Variants in CALCRL observed in about 807,000 individuals in gnomAD.
CALCRL encodes the protein calcitonin gene-related peptide type 1 receptor.
In CALCRL, 27 loss-of-function variants were observed where a neutral mutation model predicts 60.4. That is an observed-to-expected ratio of 0.45 (90% CI 0.33 to 0.62). The LOEUF (loss-of-function observed/expected upper bound fraction) is 0.62. Among genes scored for constraint, CALCRL ranks in the 20% least tolerant of loss-of-function variants. The pLI is 0.03. For synonymous variants in CALCRL, 190 were observed against 182.6 expected (o/e 1.04, Z -0.33); for missense variants, 424 against 540.7 (o/e 0.78, Z 2.14).
rs59586461 is a variant in CALCRL at position 187,366,249 on chromosome 2, C to CAAAAAAAAAAAAAAAAAAAAA, written c.501-2748_501-2747insTTTTTTTTTTTTTTTTTTTTT. The stretch of plus-strand genomic sequence containing the variant: ...TGGGCGACAGAGCGAGACTCCGTCT[C>CAAAAAAAAAAAAAAAAAAAAA]AAAAAAAAAAAAAAAAAAAAGAGGA... On this transcript the variant is annotated intron_variant, in intron 8 of 14. Coordinates refer to ENST00000392370, the MANE Select transcript of CALCRL (RefSeq NM_005795.6). Among the ~76,000 whole-genome samples, 7 of 94,614 alleles carry CAAAAAAAAAAAAAAAAAAAAA rather than the reference C, an allele frequency of 7.4e-5. 1 individual carries two copies. The highest frequency in any genetic ancestry group is 2.7e-4 in the African/African-American group (6 of 22,058). 62.1% of individuals were successfully genotyped at this position (94,614 alleles called of 152,430 possible).
intron 1 of CALCRL, among the ~76,000 whole-genome samples, chr2:187,433,208 C>A (rs1033229582): frequency 6.6e-6 from 1 of 152,132 alleles, no homozygotes; most frequent in African/African-American, 2.4e-5. Context: ...TGAGTATTTT[C>A]CCAACTTGCT....
chr2:187,391,276 A>G (rs916402077), intron 1 of CALCRL, among the ~76,000 whole-genome samples: 3 of 152,174 alleles, frequency 2.0e-5, no homozygotes, highest in African/African-American at 7.2e-5. Context: ...CTAAAATACA[A>G]TTGATGCTAG....
chr2:187,432,354 T>C (rs1023849334), intron 1 of CALCRL, among the ~76,000 whole-genome samples: 1 of 152,156 alleles, frequency 6.6e-6, no homozygotes, highest in Non-Finnish European at 1.5e-5. Flanking sequence ...ATTTTGTGAA[T>C]TATTTATCTT....
At chr2:187,366,249 C>CAAAAAAAAAAAAA (rs59586461) in intron 8 of CALCRL, among the ~76,000 whole-genome samples, 22 of 94,610 alleles carry the variant, frequency 2.3e-4, no homozygotes, top group South Asian at 7.1e-4. Flanking sequence ...GACTCCGTCT[C>CAAAAAAAAAAAAA]AAAAAAAAAA....
intron 5 of CALCRL, among the ~76,000 whole-genome samples, chr2:187,382,560 G>A (rs1050342078): frequency 2.0e-5 from 3 of 152,108 alleles, no homozygotes; most frequent in Non-Finnish European, 4.4e-5. Flanking sequence ...AAGGTTGCCA[G>A]GTAAAATATA....
intron 8 of CALCRL, among the ~76,000 whole-genome samples, chr2:187,368,857 C>A (rs1385563858): frequency 6.6e-6 from 1 of 152,054 alleles, no homozygotes; most frequent in African/African-American, 2.4e-5. Context: ...CTGCCACAAA[C>A]CATAGGCAGA....
At chr2:187,396,076 T>G (rs1382937689) in intron 1 of CALCRL, among the ~76,000 whole-genome samples, 2 of 151,700 alleles carry the variant, frequency 1.3e-5, no homozygotes, top group African/African-American at 4.8e-5. Flanking sequence ...CAGGAAGACT[T>G]TGTGTATGTC....
chr2:187,375,573 A>G (rs1045714149), intron 8 of CALCRL, among the ~76,000 whole-genome samples: 1 of 152,182 alleles, frequency 6.6e-6, no homozygotes, highest in Non-Finnish European at 1.5e-5. Context: ...ATTTTAGCAA[A>G]TAACAAATGC....
chr2:187,354,439 C>T (rs1000693521), intron 12 of CALCRL, among the ~76,000 whole-genome samples: 1 of 151,974 alleles, frequency 6.6e-6, no homozygotes, highest in Non-Finnish European at 1.5e-5. Context: ...GTAGTCACTC[C>T]AGTACCACCC....
intron 1 of CALCRL, among the ~76,000 whole-genome samples, chr2:187,419,805 T>A (rs1689791449): frequency 1.3e-5 from 2 of 152,196 alleles, no homozygotes; most frequent in Non-Finnish European, 2.9e-5. Flanking sequence ...CTTAAATTAT[T>A]TTAGCTAGAA....
intron 1 of CALCRL, among the ~76,000 whole-genome samples, chr2:187,400,537 C>T (rs1271431596): frequency 6.6e-6 from 1 of 151,254 alleles, no homozygotes; most frequent in Non-Finnish European, 1.5e-5. Context: ...TAGTTATAAA[C>T]TCGAGAAATA....
intron 8 of CALCRL, among the ~76,000 whole-genome samples, chr2:187,374,698 G>A (rs1370209903): frequency 6.6e-6 from 1 of 151,946 alleles, no homozygotes; most frequent in East Asian, 1.9e-4. Flanking sequence ...GAGTATTTCA[G>A]ATGACTACAT....
Position 187,405,604 on chromosome 2 carries a change from A to G in CALCRL, c.-292-17848T>C, listed in dbSNP as rs1177984356. Among the ~76,000 whole-genome samples, 3 of 152,108 alleles carry G rather than the reference A, an allele frequency of 2.0e-5. No individual in the cohort carries two copies. The East Asian group carries it at 5.8e-4, about 30-fold the overall frequency. On this transcript the variant is annotated intron_variant, in intron 1 of 14. Coordinates refer to ENST00000392370, the MANE Select transcript of CALCRL (RefSeq NM_005795.6). Reference sequence around the variant, plus strand: ...ACACAGACTCTAAAATGACTTGTGTATTTGCATTATTACTCTTGATTTGTA... The same window carrying G: ...ACACAGACTCTAAAATGACTTGTGTGTTTGCATTATTACTCTTGATTTGTA...
intron 1 of CALCRL, among the ~76,000 whole-genome samples, chr2:187,441,050 C>A (rs1342611573): frequency 6.6e-6 from 1 of 151,920 alleles, no homozygotes; most frequent in African/African-American, 2.4e-5. Flanking sequence ...ATATCACTTT[C>A]TTTAACCTTG....
chr2:187,346,152 C>G lies in CALCRL; in HGVS notation c.*32G>C. 1 of 1,414,298 alleles carries G rather than the reference C, an allele frequency of 7.1e-7. No homozygotes were observed. The highest frequency in any genetic ancestry group is 9.8e-7 in the Non-Finnish European group (1 of 1,018,464). The allele number at this position is 1,414,298 out of a possible 1,614,324, so 87.6% of individuals were successfully genotyped here. On this transcript the variant is annotated 3_prime_UTR_variant, in exon 15 of 15. Coordinates refer to ENST00000392370, the MANE Select transcript of CALCRL (RefSeq NM_005795.6). Reference sequence around the variant, plus strand: ...GTCCAAGTCCTTGAGTTAGGAGAAGCACAAAACAGTGAGACAACCATCCTT... The same window carrying G: ...GTCCAAGTCCTTGAGTTAGGAGAAGGACAAAACAGTGAGACAACCATCCTT...
At chr2:187,413,504 A>T (rs941872639) in intron 1 of CALCRL, among the ~76,000 whole-genome samples, 1 of 152,186 alleles carries the variant, frequency 6.6e-6, no homozygotes, top group African/African-American at 2.4e-5. Flanking sequence ...GAATGCGATA[A>T]GACTATAATA....
At chr2:187,439,631 A>C (rs1690803975) in intron 1 of CALCRL, among the ~76,000 whole-genome samples, 1 of 152,192 alleles carries the variant, frequency 6.6e-6, no homozygotes, top group South Asian at 2.1e-4. Context: ...GTATAGACGT[A>C]GGTTGATTTT....
rs1405620130 is a variant in CALCRL, at chr2:187,448,107, G to C, written c.-361C>G. The C allele has an allele frequency of 6.6e-6, 1 of 152,042 alleles. No individual in the cohort carries two copies. The highest frequency in any genetic ancestry group is 1.5e-5 in the Non-Finnish European group (1 of 67,998). The allele number at this position is 152,042 out of a possible 1,614,324, so 9.4% of individuals were successfully genotyped here. Reference sequence around the variant, plus strand: ...ATGGAACTTTACTTTCTGAGATTCCGCAGAAGAGATTTACCCACAAGCAAG... The same window carrying C: ...ATGGAACTTTACTTTCTGAGATTCCCCAGAAGAGATTTACCCACAAGCAAG... On this transcript the variant is annotated 5_prime_UTR_variant, in exon 1 of 15. Coordinates refer to ENST00000392370, the MANE Select transcript of CALCRL (RefSeq NM_005795.6).
rs150400535 is a variant in CALCRL at position 187,346,391 on chromosome 2, T to C, written c.1179A>G (p.Ala393=). The change falls in exon 15 of 15, where the codon GCA becomes GCG. Residue 393 remains alanine (A), a synonymous_variant. Transcript: ENST00000392370. ...IFCFFNGEVQ[A]ILRRNWNQYK... is the part of the protein sequence containing the mutation. Reference sequence around the variant, plus strand: ...ATTGATTCCAGTTTCTTCTCAGAATTGCTTGAACCTATCAATCAAAAGGAA... The same window carrying C: ...ATTGATTCCAGTTTCTTCTCAGAATCGCTTGAACCTATCAATCAAAAGGAA... The C allele has an allele frequency of 3.1e-6, 5 of 1,607,158 alleles. No homozygotes were observed. In the African/African-American group the frequency reaches 5.4e-5, roughly 17 times the overall value.
Sources: gnomAD v4.1 joint callset for allele counts (sites outside exome capture counted in the v4.1 genomes callset) on GRCh38, gnomAD v4.1.1 for gene constraint, MANE v1.5 for transcripts, NCBI Gene and HGNC (gene_info 2026-07-23, HGNC 2026-07-21) for gene names.